Variants in SOX5 observed in about 807,000 individuals in gnomAD.
SOX5 encodes transcription factor SOX-5.
In SOX5, 9 loss-of-function variants were observed where a neutral mutation model predicts 92.0. The ratio of observed to expected loss-of-function variants is 0.10; its 90% CI spans 0.06 to 0.17. The LOEUF is 0.17. Ranked by LOEUF, SOX5 falls within the 10% of genes least tolerant of loss-of-function variation. The pLI, the probability that SOX5 is intolerant of heterozygous loss-of-function variation, is 1.00. For missense variants in SOX5, 642 were observed against 944.5 expected (o/e 0.68, Z 4.20); for synonymous variants, 344 against 336.3 (o/e 1.02, Z -0.25).
intron 2 of SOX5, among the ~76,000 whole-genome samples, chr12:23,886,796 C>T (rs150721141): frequency 6.6e-6 from 1 of 152,192 alleles, no homozygotes; most frequent in Admixed American, 6.5e-5. Context: ...GAAATAGTGA[C>T]ACATGCTGTC....
chr12:23,690,265 T>C (rs1440936168), intron 6 of SOX5, among the ~76,000 whole-genome samples: 4 of 152,200 alleles, frequency 2.6e-5, no homozygotes, highest in African/African-American at 4.8e-5. Context: ...TCACAGAATA[T>C]AGAATAAACT....
At chr12:24,243,184 C>T (rs1937823904) in intron 3 of SOX5, among the ~76,000 whole-genome samples, 1 of 152,060 alleles carries the variant, frequency 6.6e-6, no homozygotes, top group Admixed American at 6.6e-5. Context: ...ACCTGGAACC[C>T]TAGCTCATTT....
intron 4 of SOX5, among the ~76,000 whole-genome samples, chr12:24,103,664 A>C (rs1344491269): frequency 6.6e-6 from 1 of 152,222 alleles, no homozygotes; most frequent in Non-Finnish European, 1.5e-5. Context: ...TAAAGTATAA[A>C]AGCTTTATAA....
intron 4 of SOX5, among the ~76,000 whole-genome samples, chr12:24,203,235 G>A (rs1359489593): frequency 2.6e-5 from 4 of 152,138 alleles, no homozygotes; most frequent in Admixed American, 1.3e-4. Context: ...AGCTACTTCA[G>A]GGTGGATCCT....
At chr12:23,957,679 T>C (rs1294455870) in intron 4 of SOX5, among the ~76,000 whole-genome samples, 2 of 152,310 alleles carry the variant, frequency 1.3e-5, no homozygotes, top group Middle Eastern at 3.4e-3. Flanking sequence ...ACTTGCTTTT[T>C]TCATGCTGTT....
At chr12:24,527,094 A>T (rs929714310) in intron 1 of SOX5, among the ~76,000 whole-genome samples, 13 of 152,002 alleles carry the variant, frequency 8.6e-5, no homozygotes, top group Non-Finnish European at 1.9e-4. Flanking sequence ...GCCCAGCCAT[A>T]TTTCTTTATT....
chr12:24,209,892 C>T (rs1338029141), intron 4 of SOX5, among the ~76,000 whole-genome samples: 1 of 149,258 alleles, frequency 6.7e-6, no homozygotes, highest in Non-Finnish European at 1.5e-5. Flanking sequence ...GTGGCGGGCG[C>T]CTGTAGTCCC....
At chr12:24,382,546 T>C (rs1957941703) in intron 1 of SOX5, among the ~76,000 whole-genome samples, 1 of 152,078 alleles carries the variant, frequency 6.6e-6, no homozygotes, top group Non-Finnish European at 1.5e-5. Context: ...AGGAAGCCAT[T>C]GGAGGTCACT....
At chr12:24,160,172 G>A (rs1052922419) in intron 4 of SOX5, among the ~76,000 whole-genome samples, 1 of 151,908 alleles carries the variant, frequency 6.6e-6, no homozygotes, top group African/African-American at 2.4e-5. Context: ...TCTAGAAAGA[G>A]GTTAGTAAGT....
intron 6 of SOX5, among the ~76,000 whole-genome samples, chr12:23,680,043 A>T (rs2086326203): frequency 6.6e-6 from 1 of 151,942 alleles, no homozygotes; most frequent in South Asian, 2.1e-4. Flanking sequence ...ATATAATAAC[A>T]GGCCGGGCAT....
intron 4 of SOX5, among the ~76,000 whole-genome samples, chr12:24,135,870 G>A (rs1052072539): frequency 6.6e-6 from 1 of 152,160 alleles, no homozygotes; most frequent in Non-Finnish European, 1.5e-5. Flanking sequence ...CACAAAGAAT[G>A]CACTTGAAAT....
intron 1 of SOX5, among the ~76,000 whole-genome samples, chr12:24,416,399 A>AC (rs960975520): frequency 6.6e-6 from 1 of 152,160 alleles, no homozygotes; most frequent in African/African-American, 2.4e-5. Context: ...TGACTGACCA[A>AC]CCCAGTTTTC....
chr12:23,588,239 T>A (rs1023928858), intron 9 of SOX5, among the ~76,000 whole-genome samples: 1 of 151,974 alleles, frequency 6.6e-6, no homozygotes, highest in African/African-American at 2.4e-5. Context: ...GAAAGAAAAT[T>A]CAAATAAAGA....
At chr12:24,138,321 ATATTCTCTTACATCGCAGTTTGCATT>A (rs1322136270) in intron 4 of SOX5, among the ~76,000 whole-genome samples, 67 of 152,338 alleles carry the variant, frequency 4.4e-4, no homozygotes, top group African/African-American at 1.6e-3. Context: ...TCATCTGCGA[ATATTCTCTTACATCGCAGTTTGCATT>A]TATTTTACAA....
chr12:23,529,945 A>G lies in SOX5; in HGVS notation c.*4274T>C, dbSNP rs1480914097. 1 of 152,202 alleles carries G rather than the reference A, an allele frequency of 6.6e-6. No homozygotes were observed. The highest frequency in any genetic ancestry group is 1.5e-5 in the Non-Finnish European group (1 of 68,034). 9.4% of individuals were successfully genotyped at this position (152,202 alleles called of 1,614,324 possible). On this transcript the variant is annotated 3_prime_UTR_variant, in exon 15 of 15. Coordinates refer to ENST00000451604, the MANE Select transcript of SOX5 (RefSeq NM_006940.6). The stretch of plus-strand genomic sequence containing the variant: ...CTTTAGAGCCAGTGGAGCTATATAA[A>G]TACTGTTTTAGTGAACCAGTGACGG...
intron 6 of SOX5, among the ~76,000 whole-genome samples, chr12:23,715,298 A>AAAAT (rs1289354526): frequency 6.9e-6 from 1 of 145,530 alleles, no homozygotes; most frequent in Non-Finnish European, 1.5e-5. Flanking sequence ...ATCTCAAAAT[A>AAAAT]AAATAAAATA....
chr12:24,063,136 A>G (rs906668748), intron 4 of SOX5, among the ~76,000 whole-genome samples: 3 of 152,110 alleles, frequency 2.0e-5, no homozygotes, highest in Non-Finnish European at 4.4e-5. Flanking sequence ...TCACCCACAC[A>G]CTCACTTCTC....
intron 4 of SOX5, among the ~76,000 whole-genome samples, chr12:24,182,614 A>G (rs1955617060): frequency 1.3e-5 from 2 of 152,182 alleles, no homozygotes; most frequent in African/African-American, 2.4e-5. Context: ...CAGTGAATTA[A>G]AAGCTTTCTC....
chr12:23,548,621 A>G (rs1271234674), intron 11 of SOX5, among the ~76,000 whole-genome samples: 2 of 152,018 alleles, frequency 1.3e-5, no homozygotes, highest in South Asian at 2.1e-4. Context: ...CAGCATGCAA[A>G]TCAAAAGGAT....
Sources: allele counts gnomAD v4.1 joint callset (sites outside exome capture counted in the v4.1 genomes callset), GRCh38; gene constraint gnomAD v4.1.1; transcripts MANE v1.5; gene names NCBI Gene and HGNC (gene_info 2026-07-23, HGNC 2026-07-21).